COL26A1: variants seen among roughly 807,000 people sequenced by gnomAD.
COL26A1 encodes collagen alpha-1(XXVI) chain.
Under a neutral mutation model 59.3 loss-of-function variants are expected in COL26A1, and 41 were observed. The observed-to-expected ratio is 0.69, with a 90% CI of 0.54 to 0.90. The LOEUF (loss-of-function observed/expected upper bound fraction) is 0.90, where lower values mean the gene tolerates loss of function less well. Ranked by LOEUF, COL26A1 falls within the 40% of genes least tolerant of loss-of-function variation. The pLI is 0.00. For synonymous variants in COL26A1, 266 were observed against 256.0 expected (o/e 1.04, Z -0.37); for missense variants, 612 against 602.3 (o/e 1.02, Z -0.17).
Position 101,557,723 on chromosome 7 carries a change from C to A in COL26A1, c.*193C>A, listed in dbSNP as rs576949511. The stretch of plus-strand genomic sequence containing the variant: ...GGAGGGGCCAACACCCTCATCAGAG[C>A]CCTCCTCTGGCCTGTCCCCTCCCCT... On this transcript the variant is annotated 3_prime_UTR_variant, in exon 13 of 13. Coordinates refer to ENST00000313669, the MANE Select transcript of COL26A1 (RefSeq NM_001278563.3). 5 of 571,636 alleles carry A rather than the reference C, an allele frequency of 8.7e-6. No homozygotes were observed. The highest frequency in any genetic ancestry group is 7.5e-5 in the African/African-American group (4 of 53,486). 35.4% of individuals were successfully genotyped at this position (571,636 alleles called of 1,614,324 possible).
chr7:101,541,818 C>T (rs1241827764), intron 5 of COL26A1, among the ~76,000 whole-genome samples: 2 of 152,124 alleles, frequency 1.3e-5, no homozygotes, highest in African/African-American at 2.4e-5. Flanking sequence ...TGAGGTGGGG[C>T]TTTATCCTGG....
At chr7:101,400,086 C>A (rs528106077) in intron 1 of COL26A1, among the ~76,000 whole-genome samples, 2 of 152,118 alleles carry the variant, frequency 1.3e-5, no homozygotes, top group South Asian at 4.2e-4. Context: ...GCAGAGGGGA[C>A]AGCAAATATT....
Position 101,540,055 on chromosome 7 carries a change from T to G in COL26A1, c.604+6T>G. 1 of 1,609,850 alleles carries G rather than the reference T, an allele frequency of 6.2e-7. No homozygotes were observed. The highest frequency in any genetic ancestry group is 8.5e-7 in the Non-Finnish European group (1 of 1,178,628). Reference sequence around the variant, plus strand: ...AAGGCCCACGGGCCCAGCCGGTGAGTGAGGGCTGCAGAGAGGACAGGCTGG... The same window carrying G: ...AAGGCCCACGGGCCCAGCCGGTGAGGGAGGGCTGCAGAGAGGACAGGCTGG... On this transcript the variant is annotated splice_donor_region_variant and intron_variant, in intron 5 of 12. Coordinates refer to ENST00000313669, the MANE Select transcript of COL26A1 (RefSeq NM_001278563.3).
chr7:101,512,495 GC>G (rs1327813604), intron 3 of COL26A1, among the ~76,000 whole-genome samples: 1 of 152,142 alleles, frequency 6.6e-6, no homozygotes, highest in Non-Finnish European at 1.5e-5. Flanking sequence ...GCATGTGCCT[GC>G]CTGTAGTCCA....
intron 1 of COL26A1, among the ~76,000 whole-genome samples, chr7:101,394,206 A>C (rs970937638): frequency 6.6e-6 from 1 of 152,138 alleles, no homozygotes; most frequent in Non-Finnish European, 1.5e-5. Flanking sequence ...CAGAGGTTGG[A>C]GTGATGTCAA....
chr7:101,402,543 CTTTCTTTCTCTT>C (rs900351876), intron 1 of COL26A1, among the ~76,000 whole-genome samples: 3 of 151,606 alleles, frequency 2.0e-5, no homozygotes, highest in East Asian at 2.0e-4. Flanking sequence ...TTCTTTTCTT[CTTTCTTTCTCTT>C]TTTCTTTCTT....
chr7:101,551,172 G>A lies in COL26A1; in HGVS notation c.1029+29G>A, dbSNP rs939230847. The A allele has an allele frequency of 4.0e-6, 6 of 1,510,348 alleles. No individual in the cohort carries two copies. In the African/African-American group the frequency reaches 5.6e-5, roughly 14 times the overall value. The allele number at this position is 1,510,348 out of a possible 1,614,324, so 93.6% of individuals were successfully genotyped here. On this transcript the variant is annotated intron_variant, in intron 10 of 12. Transcript: ENST00000313669. ...AGTGTGGGCTGTGCAGATGGGCCTG[G>A]GCCACTCCCAGGCAGAGGCTCTGAT... is the stretch of plus-strand genomic sequence containing the variant.
In COL26A1 at chr7:101,557,496, A is replaced by G. The variant is rs749685109; in HGVS notation, c.1292A>G (p.Gln431Arg). 3.1e-6 allele frequency: 5 copies of G among 1,613,070 alleles called. No homozygotes were observed. The South Asian group carries it at 5.5e-5, about 18-fold the overall frequency. The change falls in exon 13 of 13, where the codon CAG becomes CGG. Residue 431 changes from glutamine (Q) to arginine (R), a missense_variant. By Grantham distance (43) the Gln-to-Arg change is conservative (BLOSUM62 1). Transcript: ENST00000313669. ...LAALLGPDPG[Q>R]KSVDQASSRK The stretch of plus-strand genomic sequence containing the variant: ...GCCCTGCTTGGGCCCGACCCTGGAC[A>G]GAAGAGCGTGGACCAGGCCAGCAGC...
chr7:101,451,260 C>A (rs1793331033), intron 3 of COL26A1, among the ~76,000 whole-genome samples: 1 of 142,026 alleles, frequency 7.0e-6, no homozygotes, highest in African/African-American at 2.6e-5. Context: ...ATAATATATA[C>A]AATATGAAAG....
intron 9 of COL26A1, among the ~76,000 whole-genome samples, chr7:101,550,241 G>A (rs770640697): frequency 2.4e-4 from 36 of 152,128 alleles, no homozygotes; most frequent in Non-Finnish European, 4.4e-4. Flanking sequence ...TGGGAGGATC[G>A]CTTGAGCCCG....
intron 1 of COL26A1, among the ~76,000 whole-genome samples, chr7:101,411,753 G>C (rs976667374): frequency 6.6e-6 from 1 of 152,006 alleles, no homozygotes; most frequent in Non-Finnish European, 1.5e-5. Flanking sequence ...GACTCAACAG[G>C]GGGCCAGGAC....
chr7:101,403,595 C>T (rs915175710), intron 1 of COL26A1, among the ~76,000 whole-genome samples: 2 of 152,086 alleles, frequency 1.3e-5, no homozygotes, highest in Non-Finnish European at 2.9e-5. Context: ...CCAGGTTGGT[C>T]TTGAACTCCT....
chr7:101,404,773 G>A (rs543366034), intron 1 of COL26A1, among the ~76,000 whole-genome samples: 2 of 152,056 alleles, frequency 1.3e-5, no homozygotes, highest in African/African-American at 4.8e-5. Flanking sequence ...GTAATGATAC[G>A]CGCCTGTGGT....
chr7:101,363,307 C>G, intron 1 of COL26A1, 117 bp downstream of exon 1: 3 of 806,726 alleles, frequency 3.7e-6, no homozygotes, highest in Non-Finnish European at 5.2e-6. Flanking sequence ...CGATCCGGGA[C>G]TTGGGGGCGC....
intron 3 of COL26A1, among the ~76,000 whole-genome samples, chr7:101,495,622 T>C (rs967837963): frequency 2.6e-5 from 4 of 151,508 alleles, no homozygotes; most frequent in African/African-American, 9.7e-5. Context: ...GGTTTCACCA[T>C]GTTAGCCAGA....
At chr7:101,532,160 A>G (rs566469200) in intron 3 of COL26A1, among the ~76,000 whole-genome samples, 2 of 152,248 alleles carry the variant, frequency 1.3e-5, no homozygotes, top group African/African-American at 4.8e-5. Flanking sequence ...GACAGACATA[A>G]AAAGGTAATT....
chr7:101,514,824 C>A (rs1794996240), intron 3 of COL26A1, among the ~76,000 whole-genome samples: 2 of 152,344 alleles, frequency 1.3e-5, no homozygotes, highest in South Asian at 4.1e-4. Flanking sequence ...CTCCAGCTAC[C>A]CATCCGCCAC....
intron 1 of COL26A1, among the ~76,000 whole-genome samples, chr7:101,388,498 G>A (rs1791646278): frequency 2.0e-5 from 3 of 151,400 alleles, no homozygotes; most frequent in African/African-American, 2.4e-5. Context: ...AAAAAGCCCC[G>A]AAACTCTGTA....
intron 1 of COL26A1, among the ~76,000 whole-genome samples, chr7:101,406,716 G>T (rs1280507980): frequency 2.0e-5 from 3 of 152,144 alleles, no homozygotes; most frequent in Non-Finnish European, 4.4e-5. Flanking sequence ...CTTGAGAGGT[G>T]GAAGAATCTC....
Sources: allele counts gnomAD v4.1 joint callset (sites outside exome capture counted in the v4.1 genomes callset), GRCh38; gene constraint gnomAD v4.1.1; transcripts MANE v1.5; gene names NCBI Gene and HGNC (gene_info 2026-07-23, HGNC 2026-07-21).